Variants in NDUFS4 observed in about 807,000 individuals in gnomAD.
The protein encoded by NDUFS4 is NADH:ubiquinone oxidoreductase subunit S4, also known as NADH dehydrogenase [ubiquinone] iron-sulfur protein 4, mitochondrial.
A neutral mutation model predicts 24.3 loss-of-function variants in NDUFS4; 28 were observed. That is an observed-to-expected ratio of 1.15 (90% CI 0.85 to 1.58). The LOEUF is 1.58. Ranked by LOEUF, NDUFS4 falls within the 40% of genes most tolerant of loss-of-function variation. NDUFS4 has a pLI of 0.00. For synonymous variants in NDUFS4, 93 were observed against 69.7 expected (o/e 1.34, Z -1.67); for missense variants, 223 against 207.9 (o/e 1.07, Z -0.45).
chr5:53,657,819 G>A (rs1471701668), intron 3 of NDUFS4, among the ~76,000 whole-genome samples: 1 of 151,858 alleles, frequency 6.6e-6, no homozygotes, highest in African/African-American at 2.4e-5. Flanking sequence ...CAGCTACTTG[G>A]GAGGCTGAGG....
chr5:53,658,965 C>G (rs949409040), intron 4 of NDUFS4, among the ~76,000 whole-genome samples: 4 of 152,088 alleles, frequency 2.6e-5, no homozygotes, highest in African/African-American at 9.7e-5. Context: ...GCAGCCTATT[C>G]TAGTTTTGAC....
chr5:53,563,372 A>G (rs1385456815), intron 1 of NDUFS4, among the ~76,000 whole-genome samples: 2 of 152,142 alleles, frequency 1.3e-5, no homozygotes, highest in African/African-American at 4.8e-5. Flanking sequence ...GAAAAAATCT[A>G]GTAATGTGGG....
At chr5:53,651,766 A>T (rs1752021531) in intron 3 of NDUFS4, among the ~76,000 whole-genome samples, 1 of 134,856 alleles carries the variant, frequency 7.4e-6, no homozygotes, top group Non-Finnish European at 1.5e-5. Context: ...CTTGGGCTTA[A>T]CTTTATTCTT....
chr5:53,612,051 A>G (rs139398362), intron 2 of NDUFS4, among the ~76,000 whole-genome samples: 8 of 152,202 alleles, frequency 5.3e-5, no homozygotes, highest in African/African-American at 1.9e-4. Flanking sequence ...TTAAAATATT[A>G]CTAAGAAAAT....
intron 1 of NDUFS4, among the ~76,000 whole-genome samples, chr5:53,572,970 G>GTTTTTTTTTTTTT (rs34978747): frequency 5.4e-5 from 6 of 111,206 alleles, no homozygotes; most frequent in Admixed American, 9.5e-5. Context: ...TTTTTTTTTT[G>GTTTTTTTTTTTTT]TTTTTTTTTT....
At chr5:53,586,656 G>A (rs1474315316) in intron 1 of NDUFS4, among the ~76,000 whole-genome samples, 2 of 152,072 alleles carry the variant, frequency 1.3e-5, no homozygotes, top group Admixed American at 1.3e-4. Flanking sequence ...TTGAGTAGCT[G>A]GGACTACTTG....
chr5:53,657,261 G>A (rs894775134), intron 3 of NDUFS4, among the ~76,000 whole-genome samples: 10 of 151,982 alleles, frequency 6.6e-5, no homozygotes, highest in Non-Finnish European at 1.3e-4. Context: ...TGAAAAGGAG[G>A]AACCAATATA....
intron 4 of NDUFS4, among the ~76,000 whole-genome samples, chr5:53,675,841 A>G (rs1740450445): frequency 6.6e-6 from 1 of 152,218 alleles, no homozygotes. Context: ...CCAGAGTCAG[A>G]GTCAGCAGAG....
intron 4 of NDUFS4, among the ~76,000 whole-genome samples, chr5:53,675,157 CTTT>C (rs70983372): frequency 1.3e-4 from 13 of 102,968 alleles, no homozygotes; most frequent in African/African-American, 3.4e-4. Context: ...AACAGAGTTC[CTTT>C]TTTTTTTTTT....
rs369421096 is a variant in NDUFS4 at position 53,641,176 on chromosome 5, A to G, written c.178-5057A>G. 3.9e-5 allele frequency among the ~76,000 whole-genome samples: 6 copies of G among 152,268 alleles called. 1 individual carries two copies. Among genetic ancestry groups the G allele is most frequent in the Non-Finnish European group, 4.4e-5 (3 of 68,018 alleles). On this transcript the variant is annotated intron_variant, in intron 2 of 4. Transcript: ENST00000296684. Reference sequence around the variant, plus strand: ...TATGTTATTTAGTACTCATTTTGGTATAGCAAACTGATTTCATACATGATG... The same window carrying G: ...TATGTTATTTAGTACTCATTTTGGTGTAGCAAACTGATTTCATACATGATG...
Position 53,603,545 on chromosome 5 carries a change from C to A in NDUFS4, c.177+15C>A. ...ATGAAAAATTGGTAAGGATTTTCTACTACACACTGCTATGGTTCTGCCTTC... is the reference window on the plus strand; with the variant it reads ...ATGAAAAATTGGTAAGGATTTTCTAATACACACTGCTATGGTTCTGCCTTC... On this transcript the variant is annotated intron_variant, in intron 2 of 4. Coordinates refer to ENST00000296684, the MANE Select transcript of NDUFS4 (RefSeq NM_002495.4). The A allele has an allele frequency of 6.3e-7, 1 of 1,586,902 alleles. No individual in the cohort carries two copies. The highest frequency in any genetic ancestry group is 1.1e-5 in the South Asian group (1 of 90,542).
At chr5:53,662,620 G>C (rs1250916557) in intron 4 of NDUFS4, among the ~76,000 whole-genome samples, 4 of 152,068 alleles carry the variant, frequency 2.6e-5, no homozygotes, top group African/African-American at 9.6e-5. Context: ...GAATCCATCT[G>C]GTCCTGGACT....
At chr5:53,679,602 C>T (rs1740587257) in intron 4 of NDUFS4, among the ~76,000 whole-genome samples, 1 of 152,180 alleles carries the variant, frequency 6.6e-6, no homozygotes, top group South Asian at 2.1e-4. Flanking sequence ...GATATTAGAA[C>T]TGTGTCTGAG....
chr5:53,620,881 T>A (rs1277448055), intron 2 of NDUFS4, among the ~76,000 whole-genome samples: 2 of 152,232 alleles, frequency 1.3e-5, no homozygotes, highest in Non-Finnish European at 2.9e-5. Flanking sequence ...TCTTGATTAA[T>A]GTTTCATACA....
rs995903965 is a variant in NDUFS4, at chr5:53,569,460, G to A, written c.98+8700G>A. Among the ~76,000 whole-genome samples, 3 of 152,132 alleles carry A rather than the reference G, an allele frequency of 2.0e-5. No homozygotes were observed. The South Asian group carries it at 6.2e-4, about 32-fold the overall frequency. On this transcript the variant is annotated intron_variant, in intron 1 of 4. Coordinates refer to ENST00000296684, the MANE Select transcript of NDUFS4 (RefSeq NM_002495.4). ...TCTTCTATCTTTGTAGGTTAACTCT[G>A]GAGTTATAGTTCATAGATTTATGTA... is the stretch of plus-strand genomic sequence containing the variant.
intron 1 of NDUFS4, among the ~76,000 whole-genome samples, chr5:53,597,147 A>G (rs964593734): frequency 2.0e-5 from 3 of 152,144 alleles, no homozygotes; most frequent in Non-Finnish European, 2.9e-5. Context: ...CATGGCTGGC[A>G]AAGTGCTATT....
At chr5:53,642,531 T>C (rs1393742747) in intron 2 of NDUFS4, among the ~76,000 whole-genome samples, 1 of 152,138 alleles carries the variant, frequency 6.6e-6, no homozygotes, top group Non-Finnish European at 1.5e-5. Flanking sequence ...TCCTGGGTGG[T>C]TGCAAGAAGC....
At chr5:53,671,061 TAG>T (rs1463270715) in intron 4 of NDUFS4, among the ~76,000 whole-genome samples, 1 of 151,940 alleles carries the variant, frequency 6.6e-6, no homozygotes, top group Non-Finnish European at 1.5e-5. Context: ...ATCTTTATAG[TAG>T]AGATAATAGG....
intron 1 of NDUFS4, among the ~76,000 whole-genome samples, chr5:53,586,724 C>A (rs946923067): frequency 9.2e-5 from 14 of 151,902 alleles, no homozygotes; most frequent in Non-Finnish European, 1.5e-5. Context: ...GGGGTTTCAC[C>A]GTGTTAGCCA....
Sources: gnomAD v4.1 joint callset for allele counts (sites outside exome capture counted in the v4.1 genomes callset) on GRCh38, gnomAD v4.1.1 for gene constraint, MANE v1.5 for transcripts, NCBI Gene and HGNC (gene_info 2026-07-23, HGNC 2026-07-21) for gene names.